Variants in PAX5 observed in about 807,000 individuals in gnomAD.
The protein encoded by PAX5 is paired box protein Pax-5.
In PAX5, 9 loss-of-function variants were observed where a neutral mutation model predicts 43.7. The ratio of observed to expected loss-of-function variants is 0.21; its 90% CI spans 0.12 to 0.36. The LOEUF is 0.36. PAX5 is among the 10% of genes least tolerant of loss of function. PAX5 has a pLI of 1.00. For missense variants in PAX5, 383 were observed against 532.7 expected (o/e 0.72, Z 2.77); for synonymous variants, 228 against 214.3 (o/e 1.06, Z -0.56).
intron 5 of PAX5, among the ~76,000 whole-genome samples, chr9:36,976,856 AG>A (rs1426018040): frequency 6.6e-6 from 1 of 152,202 alleles, no homozygotes; most frequent in Non-Finnish European, 1.5e-5. Flanking sequence ...GGCAAACGGG[AG>A]GCCAGATGGC....
At chr9:36,867,011 GC>G (rs1563910933) in intron 8 of PAX5, among the ~76,000 whole-genome samples, 1 of 142,202 alleles carries the variant, frequency 7.0e-6, no homozygotes, top group East Asian at 2.2e-4. Flanking sequence ...CTTTGCCGCT[GC>G]CCCCAGTGGC....
chr9:36,970,838 T>C (rs929392926), intron 5 of PAX5, among the ~76,000 whole-genome samples: 1 of 152,118 alleles, frequency 6.6e-6, no homozygotes, highest in Non-Finnish European at 1.5e-5. Context: ...GACCACTTTC[T>C]CCCTTATTTT....
At chr9:36,966,458 C>A (rs909708119) in intron 6 of PAX5, 91 bp downstream of exon 6, 2 of 1,414,868 alleles carry the variant, frequency 1.4e-6, no homozygotes, top group Non-Finnish European at 2.0e-6. Context: ...TGTGCCCTCA[C>A]CCACACCCCG....
At chr9:36,927,865 C>T (rs1830781534) in intron 6 of PAX5, among the ~76,000 whole-genome samples, 1 of 152,316 alleles carries the variant, frequency 6.6e-6, no homozygotes, top group South Asian at 2.1e-4. Flanking sequence ...CATGCCACCA[C>T]ACCCAGTTAA....
intron 5 of PAX5, among the ~76,000 whole-genome samples, chr9:36,997,830 C>A (rs1485312399): frequency 2.6e-5 from 4 of 152,246 alleles, no homozygotes; most frequent in Non-Finnish European, 5.9e-5. Context: ...GTGGCCCCTG[C>A]CCTGTCAAGT....
At chr9:37,024,814 A>G (rs1409096519) in intron 1 of PAX5, among the ~76,000 whole-genome samples, 3 of 152,014 alleles carry the variant, frequency 2.0e-5, no homozygotes, top group East Asian at 3.8e-4. Context: ...GTCTGATGCT[A>G]TCTCCCCAAG....
intron 5 of PAX5, among the ~76,000 whole-genome samples, chr9:36,983,373 G>T (rs921877139): frequency 1.3e-5 from 2 of 152,196 alleles, no homozygotes; most frequent in African/African-American, 4.8e-5. Flanking sequence ...ACGCCTAAGT[G>T]CAAGCAACTA....
intron 6 of PAX5, among the ~76,000 whole-genome samples, chr9:36,935,071 C>A (rs1200444877): frequency 1.3e-5 from 2 of 152,202 alleles, no homozygotes; most frequent in African/African-American, 2.4e-5. Flanking sequence ...GAAATGTACT[C>A]ATGGCCTGGG....
At chr9:36,967,827 C>T (rs1486344434) in intron 5 of PAX5, among the ~76,000 whole-genome samples, 1 of 152,198 alleles carries the variant, frequency 6.6e-6, no homozygotes, top group Non-Finnish European at 1.5e-5. Flanking sequence ...TGTAAATTAA[C>T]TAAGTATAAG....
At chr9:36,907,873 A>T (rs1239682652) in intron 7 of PAX5, among the ~76,000 whole-genome samples, 1 of 152,174 alleles carries the variant, frequency 6.6e-6, no homozygotes, top group Non-Finnish European at 1.5e-5. Context: ...GTGGGGACAG[A>T]TTGCTGTACA....
At chr9:36,991,494 G>T (rs1836934217) in intron 5 of PAX5, among the ~76,000 whole-genome samples, 1 of 152,186 alleles carries the variant, frequency 6.6e-6, no homozygotes, top group African/African-American at 2.4e-5. Context: ...TCCCAGAAAG[G>T]TTTATATCAA....
intron 7 of PAX5, among the ~76,000 whole-genome samples, chr9:36,889,924 C>G (rs1246709192): frequency 7.5e-6 from 1 of 133,316 alleles, no homozygotes; most frequent in Non-Finnish European, 1.5e-5. Context: ...TAGGTAGGCT[C>G]TCTCTATGTA....
At chr9:36,904,834 C>CCATT (rs1392908246) in intron 7 of PAX5, among the ~76,000 whole-genome samples, 2 of 152,114 alleles carry the variant, frequency 1.3e-5, no homozygotes, top group Admixed American at 1.3e-4. Flanking sequence ...ATTAATTCAT[C>CCATT]CATTCATTCA....
At position 36,966,690 on chromosome 9, in the gene PAX5, C is replaced by T. The variant is rs754584860; in HGVS notation, c.639G>A (p.Ser213=). The T allele has an allele frequency of 7.4e-6, 12 of 1,614,042 alleles. No individual in the cohort carries two copies. Among genetic ancestry groups the T allele is most frequent in the South Asian group, 1.1e-5 (1 of 91,076 alleles). The part of the protein sequence containing the change: ...IQESPVPNGH[S]LPGRDFLRKQ... Reference sequence around the variant, plus strand: ...TCCGGAGGAAGTCTCTGCCCGGAAGCGAGTGGCCGTTCGGCACCGGAGACT... The same window carrying T: ...TCCGGAGGAAGTCTCTGCCCGGAAGTGAGTGGCCGTTCGGCACCGGAGACT... The change falls in exon 6 of 10, where the codon TCG becomes TCA. Residue 213 remains serine (S), a synonymous_variant. Coordinates refer to ENST00000358127, the MANE Select transcript of PAX5 (RefSeq NM_016734.3).
At chr9:36,957,929 C>T (rs1833628228) in intron 6 of PAX5, among the ~76,000 whole-genome samples, 1 of 152,132 alleles carries the variant, frequency 6.6e-6, no homozygotes, top group Non-Finnish European at 1.5e-5. Context: ...TAGACTGAAA[C>T]TTTTCCACCT....
chr9:36,991,819 G>A (rs1836970723), intron 5 of PAX5, among the ~76,000 whole-genome samples: 1 of 148,824 alleles, frequency 6.7e-6, no homozygotes, highest in African/African-American at 2.5e-5. Context: ...CCACTGTTCA[G>A]TCCCTCAAGA....
intron 6 of PAX5, among the ~76,000 whole-genome samples, chr9:36,963,678 T>G (rs2132174916): frequency 6.6e-6 from 1 of 152,298 alleles, no homozygotes; most frequent in Admixed American, 6.5e-5. Flanking sequence ...GCAGGCTGCG[T>G]GGTCTTCCTG....
At chr9:36,951,487 A>ATACTT (rs1833005585) in intron 6 of PAX5, among the ~76,000 whole-genome samples, 1 of 152,210 alleles carries the variant, frequency 6.6e-6, no homozygotes. Flanking sequence ...GTCTTTGAGC[A>ATACTT]TACTTTGGGC....
chr9:37,027,333 C>G (rs1840495229), intron 1 of PAX5, among the ~76,000 whole-genome samples: 1 of 152,356 alleles, frequency 6.6e-6, no homozygotes, highest in East Asian at 1.9e-4. Flanking sequence ...GCCCCCGCTG[C>G]TCGCCCATCG....
Sources: gnomAD v4.1 joint callset for allele counts (sites outside exome capture counted in the v4.1 genomes callset) on GRCh38, gnomAD v4.1.1 for gene constraint, MANE v1.5 for transcripts, NCBI Gene and HGNC (gene_info 2026-07-23, HGNC 2026-07-21) for gene names.